Variants in ITPR1 observed in about 807,000 individuals in gnomAD.
ITPR1 encodes inositol 1,4,5-trisphosphate-gated calcium channel ITPR1.
ITPR1 carries 96 observed loss-of-function variants against 318.4 expected under a neutral mutation model. The ratio of observed to expected loss-of-function variants is 0.30; its 90% CI spans 0.26 to 0.36. The LOEUF (loss-of-function observed/expected upper bound fraction) is 0.36. Ranked by LOEUF, ITPR1 falls within the 10% of genes least tolerant of loss-of-function variation. The pLI is 1.00. For synonymous variants in ITPR1, 1,312 were observed against 1,289.9 expected (o/e 1.02, Z -0.37); for missense variants, 2,440 against 3,460.2 (o/e 0.71, Z 7.40).
intron 2 of ITPR1, among the ~76,000 whole-genome samples, chr3:4,515,504 A>G (rs1343237995): frequency 6.6e-6 from 1 of 152,216 alleles, no homozygotes; most frequent in Non-Finnish European, 1.5e-5. Flanking sequence ...ACACTGGGCT[A>G]TTAGCTGCAG....
intron 39 of ITPR1, among the ~76,000 whole-genome samples, chr3:4,715,588 C>T (rs999606642): frequency 1.3e-5 from 2 of 152,212 alleles, no homozygotes; most frequent in Non-Finnish European, 2.9e-5. Context: ...TATGGTGGCT[C>T]ATGCCTGTAA....
At chr3:4,736,679 T>A (rs562563372) in intron 44 of ITPR1, among the ~76,000 whole-genome samples, 1 of 152,298 alleles carries the variant, frequency 6.6e-6, no homozygotes, top group South Asian at 2.1e-4. Context: ...TTTTATTTTG[T>A]CATGTGTGTG....
intron 4 of ITPR1, among the ~76,000 whole-genome samples, chr3:4,621,452 C>T (rs9852247): frequency 0.029 from 4,429 of 152,294 alleles, 85 homozygotes; most frequent in Non-Finnish European, 0.043. Flanking sequence ...CCCCATGACC[C>T]AGTCACTTCC....
At chr3:4,829,065 CT>C (rs1397983083) in intron 60 of ITPR1, among the ~76,000 whole-genome samples, 1 of 152,194 alleles carries the variant, frequency 6.6e-6, no homozygotes, top group Non-Finnish European at 1.5e-5. Flanking sequence ...ATTTATAATA[CT>C]TTTGCATAAT....
chr3:4,499,036 C>T (rs1281500507), intron 2 of ITPR1, among the ~76,000 whole-genome samples: 2 of 152,210 alleles, frequency 1.3e-5, no homozygotes, highest in Non-Finnish European at 1.5e-5. Flanking sequence ...ACACCTTGGA[C>T]TCGGCTACTC....
At chr3:4,844,477 A>C (rs1171952009) in intron 61 of ITPR1, among the ~76,000 whole-genome samples, 1 of 152,222 alleles carries the variant, frequency 6.6e-6, no homozygotes, top group Non-Finnish European at 1.5e-5. Flanking sequence ...ATCCAAATTT[A>C]GCTAAGTTGT....
intron 61 of ITPR1, among the ~76,000 whole-genome samples, chr3:4,837,575 C>A (rs2051016371): frequency 6.6e-6 from 1 of 151,852 alleles, no homozygotes; most frequent in Non-Finnish European, 1.5e-5. Flanking sequence ...AATGCTTCGC[C>A]CTTATCTTAT....
Position 4,697,390 on chromosome 3 carries a change from C to T in ITPR1, c.4407+118C>T, listed in dbSNP as rs947223327. On this transcript the variant is annotated intron_variant, in intron 34 of 61. Transcript: ENST00000649015. The stretch of plus-strand genomic sequence containing the variant: ...GCACACATGAAGAAAACAGCTGCAT[C>T]ATTTCTACTCTAATCCGTGGCATGA... 5 of 890,932 alleles carry T rather than the reference C, an allele frequency of 5.6e-6. No homozygotes were observed. The African/African-American group carries it at 8.5e-5, about 15-fold the overall frequency. The allele number at this position is 890,932 out of a possible 1,614,324, so 55.2% of individuals were successfully genotyped here.
At chr3:4,570,953 T>A (rs986176482) in intron 4 of ITPR1, among the ~76,000 whole-genome samples, 4 of 152,336 alleles carry the variant, frequency 2.6e-5, no homozygotes, top group Middle Eastern at 6.8e-3. Flanking sequence ...AGCTTACCCA[T>A]GTGCCTGAGG....
At chr3:4,618,211 T>C (rs2092461484) in intron 4 of ITPR1, among the ~76,000 whole-genome samples, 2 of 152,204 alleles carry the variant, frequency 1.3e-5, no homozygotes, top group African/African-American at 2.4e-5. Context: ...TTTTATATTA[T>C]GTGAATTTCA....
At chr3:4,738,162 C>T (rs1358485717) in intron 44 of ITPR1, among the ~76,000 whole-genome samples, 1 of 152,028 alleles carries the variant, frequency 6.6e-6, no homozygotes, top group African/African-American at 2.4e-5. Flanking sequence ...ACCCCAGTGA[C>T]ACAAGCTTAC....
intron 4 of ITPR1, among the ~76,000 whole-genome samples, chr3:4,574,219 C>T (rs548162648): frequency 1.1e-4 from 17 of 148,568 alleles, no homozygotes; most frequent in Non-Finnish European, 2.2e-4. Flanking sequence ...TTTTTTCAGC[C>T]TCTTATTGAA....
At chr3:4,757,350 A>T (rs931360125) in intron 44 of ITPR1, among the ~76,000 whole-genome samples, 1 of 152,214 alleles carries the variant, frequency 6.6e-6, no homozygotes, top group Non-Finnish European at 1.5e-5. Context: ...GGGAACCCAT[A>T]TTAACAAATG....
chr3:4,642,951 G>A (rs1365835727), intron 7 of ITPR1, among the ~76,000 whole-genome samples: 1 of 152,154 alleles, frequency 6.6e-6, no homozygotes, highest in Non-Finnish European at 1.5e-5. Context: ...AAAATATGCC[G>A]CAAACAGCAT....
chr3:4,636,851 C>A (rs750457315), intron 5 of ITPR1, among the ~76,000 whole-genome samples: 1 of 152,140 alleles, frequency 6.6e-6, no homozygotes, highest in East Asian at 1.9e-4. Flanking sequence ...TAGAGCTGCT[C>A]GTGTTTAATT....
At chr3:4,499,294 G>A (rs1226553161) in intron 2 of ITPR1, among the ~76,000 whole-genome samples, 2 of 152,152 alleles carry the variant, frequency 1.3e-5, no homozygotes, top group African/African-American at 4.8e-5. Context: ...GTATGCATAT[G>A]TAAAATTTAC....
chr3:4,725,244 C>T (rs542636892), intron 40 of ITPR1, among the ~76,000 whole-genome samples: 2 of 152,148 alleles, frequency 1.3e-5, no homozygotes, highest in Admixed American at 1.3e-4. Flanking sequence ...CTGTCACTTG[C>T]TTTGTTTTAA....
chr3:4,767,313 C>T (rs897017082), intron 45 of ITPR1, among the ~76,000 whole-genome samples: 3 of 152,250 alleles, frequency 2.0e-5, no homozygotes, highest in Admixed American at 1.3e-4. Context: ...TAGCAGCATA[C>T]ACATTCTCTA....
chr3:4,754,053 G>GGA (rs2044759214), intron 44 of ITPR1, among the ~76,000 whole-genome samples: 1 of 146,562 alleles, frequency 6.8e-6, no homozygotes, highest in Non-Finnish European at 1.5e-5. Context: ...GAAAATGGGG[G>GGA]GGGGGTGGCA....
Sources: allele counts gnomAD v4.1 joint callset (sites outside exome capture counted in the v4.1 genomes callset), GRCh38; gene constraint gnomAD v4.1.1; transcripts MANE v1.5; gene names NCBI Gene and HGNC (gene_info 2026-07-23, HGNC 2026-07-21).